CASR: variants seen among roughly 807,000 people sequenced by gnomAD.
CASR encodes extracellular calcium-sensing receptor.
In CASR, 23 loss-of-function variants were observed where a neutral mutation model predicts 69.1. The ratio of observed to expected loss-of-function variants is 0.33; its 90% CI spans 0.24 to 0.47. The LOEUF (loss-of-function observed/expected upper bound fraction) is 0.47. CASR is among the 20% of genes least tolerant of loss of function. The probability of loss-of-function intolerance (pLI) is 1.00; values close to 1 mark genes in which losing one functional copy is unlikely to be tolerated. For synonymous variants in CASR, 541 were observed against 544.7 expected (o/e 0.99, Z 0.10); for missense variants, 924 against 1,356.1 (o/e 0.68, Z 5.00).
intron 1 of CASR, among the ~76,000 whole-genome samples, chr3:122,213,104 C>T (rs1173851689): frequency 3.3e-5 from 5 of 152,162 alleles, no homozygotes; most frequent in East Asian, 1.9e-4. Context: ...GCAGATCTCA[C>T]GTCCACACAT....
intron 4 of CASR, among the ~76,000 whole-genome samples, chr3:122,269,893 G>A (rs2074739033): frequency 6.6e-6 from 1 of 152,142 alleles, no homozygotes; most frequent in Admixed American, 6.6e-5. Context: ...CCAGGATGGA[G>A]TAAAGTGGCA....
At position 122,291,125 on chromosome 3, in the gene CASR, A is replaced by G. The variant is rs2075009005; in HGVS notation, c.*5934A>G. 1 of 139,078 alleles carries G rather than the reference A, an allele frequency of 7.2e-6. No individual in the cohort carries two copies. Among genetic ancestry groups the G allele is most frequent in the African/African-American group, 2.6e-5 (1 of 38,218 alleles). 8.6% of individuals were successfully genotyped at this position (139,078 alleles called of 1,614,324 possible). A position where few individuals can be genotyped will look rare whatever the true frequency, so the allele number is the denominator to read the frequency against. ...GTGCCACATTTTCTTAATCCAGTCT[A>G]TCGTTGTTGGACATTTGGGTTGGTT... On this transcript the variant is annotated 3_prime_UTR_variant, in exon 7 of 7. Transcript: ENST00000639785.
In CASR at chr3:122,284,757, C is replaced by A. The variant is rs201449422; in HGVS notation, c.2803C>A (p.Pro935Thr). 21 of 1,614,076 alleles carry A rather than the reference C, an allele frequency of 1.3e-5. No individual in the cohort carries two copies. The Admixed American group carries it at 2.8e-4, about 22-fold the overall frequency. The change falls in exon 7 of 7, where the codon CCG becomes ACG. Residue 935 changes from proline (P) to threonine (T), a missense_variant. Pro to Thr is a conservative substitution (Grantham distance 38). Around this residue, in one of 8 missense-constraint regions of CASR, gnomAD observed 201 missense variants for 228.8 expected, o/e 0.88. Coordinates refer to ENST00000639785, the MANE Select transcript of CASR (RefSeq NM_000388.4). ...PQPERQKQQQ[P>T]LALTQQEQQQ... ...GCCCGAGAGGCAGAAGCAGCAGCAG[C>A]CGCTGGCCCTAACCCAGCAAGAGCA...
rs765783352 is a variant in CASR, at chr3:122,284,674, G to C, written c.2720G>C (p.Gly907Ala). The C allele has an allele frequency of 6.2e-7, 1 of 1,613,510 alleles. No homozygotes were observed. Among genetic ancestry groups the C allele is most frequent in the Admixed American group, 1.7e-5 (1 of 60,006 alleles). ...KRSSSLGGST[G>A]STPSSSISSK... The stretch of plus-strand genomic sequence containing the variant: ...TCCAGCAGCCTTGGAGGCTCCACGG[G>C]ATCCACCCCCTCCTCCTCCATCAGC... Residue 907 changes from glycine to alanine, a missense_variant, in exon 7 of 7, where the codon GGA becomes GCA. This residue lies in a region of CASR where 201 missense variants were observed against 228.8 expected (regional missense o/e 0.88). Coordinates refer to ENST00000639785, the MANE Select transcript of CASR (RefSeq NM_000388.4).
chr3:122,273,667 A>G (rs2074783899), intron 4 of CASR, among the ~76,000 whole-genome samples: 1 of 152,162 alleles, frequency 6.6e-6, no homozygotes, highest in Non-Finnish European at 1.5e-5. Context: ...CATCTGAGTC[A>G]TGGTAGGTCC....
intron 1 of CASR, among the ~76,000 whole-genome samples, chr3:122,209,835 T>C (rs7638770): frequency 0.72 from 110,224 of 152,066 alleles, 40,197 homozygotes; most frequent in Admixed American, 0.82. Context: ...AATACAAAAA[T>C]TAATAAAATA....
chr3:122,197,836 T>C (rs997312698), intron 1 of CASR, among the ~76,000 whole-genome samples: 1 of 152,218 alleles, frequency 6.6e-6, no homozygotes, highest in Non-Finnish European at 1.5e-5. Context: ...CTTCCTTCAT[T>C]GACCCCCTTT....
intron 4 of CASR, among the ~76,000 whole-genome samples, chr3:122,262,946 A>C (rs1473961908): frequency 6.6e-6 from 1 of 152,266 alleles, no homozygotes; most frequent in Non-Finnish European, 1.5e-5. Context: ...ACTCTTTGTA[A>C]AAAGATTTGA....
chr3:122,285,200 G>C lies in CASR; in HGVS notation c.*9G>C, dbSNP rs201221238. On this transcript the variant is annotated 3_prime_UTR_variant, in exon 7 of 7. Transcript: ENST00000639785. The stretch of plus-strand genomic sequence containing the variant: ...ACGTAGTGAATTCATAAAATGGAAG[G>C]AGAAGACTGGGCTAGGGAGAATGCA... 6.8e-5 allele frequency: 109 copies of C among 1,613,010 alleles called. No homozygotes were observed. Among genetic ancestry groups the C allele is most frequent in the Non-Finnish European group, 9.0e-5 (106 of 1,179,418 alleles).
rs1406599007 is a variant in CASR, at chr3:122,287,886, C to T, written c.*2695C>T. 6.6e-6 allele frequency: 1 copy of T among 152,214 alleles called. No individual in the cohort carries two copies. The highest frequency in any genetic ancestry group is 2.4e-5 in the African/African-American group (1 of 41,436). The allele number at this position is 152,214 out of a possible 1,614,324, so 9.4% of individuals were successfully genotyped here. On this transcript the variant is annotated 3_prime_UTR_variant, in exon 7 of 7. Coordinates refer to ENST00000639785, the MANE Select transcript of CASR (RefSeq NM_000388.4). Reference sequence around the variant, plus strand: ...TGTCTCCCCATGACAGTACACAGAGCTTATGGAGGCTAACAAAGCTTCCAG... The same window carrying T: ...TGTCTCCCCATGACAGTACACAGAGTTTATGGAGGCTAACAAAGCTTCCAG...
At position 122,257,171 on chromosome 3, in the gene CASR, G is replaced by A. The variant is rs201013419; in HGVS notation, c.276G>A (p.Thr92=). Residue 92 remains threonine, a synonymous_variant, in exon 3 of 7, where the codon ACG becomes ACA. Transcript: ENST00000639785. ...GCCCAGCCCTTCTTCCCAACTTGAC[G>A]CTGGGATACAGGATATTTGACACTT... is the stretch of plus-strand genomic sequence containing the variant. The part of the protein sequence containing the change: ...NSSPALLPNL[T]LGYRIFDTCN... 18 of 1,614,008 alleles carry A rather than the reference G, an allele frequency of 1.1e-5. No individual in the cohort carries two copies. The highest frequency in any genetic ancestry group is 4.4e-5 in the South Asian group (4 of 91,076).
chr3:122,222,422 G>A (rs1424957595), intron 1 of CASR, among the ~76,000 whole-genome samples: 8 of 151,926 alleles, frequency 5.3e-5, no homozygotes, highest in Admixed American at 5.2e-4. Flanking sequence ...CCTATTTGGG[G>A]GTTACTAGTC....
In CASR at chr3:122,234,441, G is replaced by A. The variant is rs34897529; in HGVS notation, c.-242-19507G>A. ...AATAAGAAGAGGAATAATAACCTTT[G>A]CCCATTACTTTCTAAAGAGCTTACT... On this transcript the variant is annotated intron_variant, in intron 1 of 6. Transcript: ENST00000639785. Among the ~76,000 whole-genome samples the A allele has an allele frequency of 4.9e-3, 750 of 152,236 alleles. 2 individuals are homozygous for A. Among genetic ancestry groups the A allele is most frequent in the African/African-American group, 0.017 (710 of 41,520 alleles).
chr3:122,209,890 T>C (rs539607704), intron 1 of CASR, among the ~76,000 whole-genome samples: 1 of 152,316 alleles, frequency 6.6e-6, no homozygotes, highest in African/African-American at 2.4e-5. Context: ...TTATCCACCA[T>C]AATCAAGTGG....
At chr3:122,208,208 C>G (rs558549234) in intron 1 of CASR, among the ~76,000 whole-genome samples, 2 of 152,114 alleles carry the variant, frequency 1.3e-5, no homozygotes, top group African/African-American at 4.8e-5. Context: ...TTATATCAAG[C>G]AACTTTGCTA....
intron 1 of CASR, among the ~76,000 whole-genome samples, chr3:122,235,374 AT>A (rs2074319565): frequency 6.6e-6 from 1 of 152,126 alleles, no homozygotes; most frequent in Non-Finnish European, 1.5e-5. Flanking sequence ...GACCATGCAT[AT>A]TGATTATAGA....
intron 1 of CASR, among the ~76,000 whole-genome samples, chr3:122,200,965 C>T (rs1465608560): frequency 2.8e-5 from 4 of 141,234 alleles, no homozygotes; most frequent in African/African-American, 1.1e-4. Context: ...CCATGTAATG[C>T]TTGTGAATAT....
intron 3 of CASR, among the ~76,000 whole-genome samples, 164 bp from the exon 4 acceptor site, chr3:122,261,364 T>C (rs1032547988): frequency 6.6e-6 from 1 of 152,236 alleles, no homozygotes; most frequent in Non-Finnish European, 1.5e-5. Flanking sequence ...GAACAGATGC[T>C]GCTTTTCCTT....
At position 122,186,443 on chromosome 3, in the gene CASR, A is replaced by T. The variant is rs188818702; in HGVS notation, c.-243+2631A>T. ...TGAGGAGTTGCATATAATTCTTAAG[A>T]TAACACGGCAATAAGTAAGTAAGAG... is the stretch of plus-strand genomic sequence containing the variant. On this transcript the variant is annotated intron_variant, in intron 1 of 6. Coordinates refer to ENST00000639785, the MANE Select transcript of CASR (RefSeq NM_000388.4). Among the ~76,000 whole-genome samples, 4 of 152,306 alleles carry T rather than the reference A, an allele frequency of 2.6e-5. No individual in the cohort carries two copies. The East Asian group carries it at 7.7e-4, about 29-fold the overall frequency.
Sources: gnomAD v4.1 joint callset for allele counts (sites outside exome capture counted in the v4.1 genomes callset) on GRCh38, gnomAD v4.1.1 for gene constraint, gnomAD v4.1.1 regional missense constraint, MANE v1.5 for transcripts, NCBI Gene and HGNC (gene_info 2026-07-23, HGNC 2026-07-21) for gene names.